ABCA8: variants seen among roughly 807,000 people sequenced by gnomAD.
The protein encoded by ABCA8 is ABC-type organic anion transporter ABCA8.
ABCA8 carries 177 observed loss-of-function variants against 192.3 expected under a neutral mutation model. That is an observed-to-expected ratio of 0.92 (90% confidence interval 0.81 to 1.04). The LOEUF (loss-of-function observed/expected upper bound fraction) is 1.04, where lower values mean the gene tolerates loss of function less well. ABCA8 is among the 50% of genes least tolerant of loss of function. The pLI is 0.00. For missense variants in ABCA8, 1,915 were observed against 1,904.8 expected (o/e 1.01, Z -0.10); for synonymous variants, 642 against 690.2 (o/e 0.93, Z 1.09).
chr17:68,932,256 C>G, intron 7 of ABCA8, 32 bp downstream of exon 7: 2 of 1,515,100 alleles, frequency 1.3e-6, no homozygotes, highest in Non-Finnish European at 1.8e-6. Context: ...CTGAGTTCCT[C>G]CGTTTATTTA....
chr17:68,879,001 T>C (rs1394773152), intron 32 of ABCA8: 5 of 152,160 alleles, frequency 3.3e-5, no homozygotes, highest in African/African-American at 9.7e-5. Context: ...TGTAAAAGAG[T>C]TCTTAAGGTT....
chr17:68,933,127 T>C, intron 6 of ABCA8, 41 bp downstream of exon 6: 1 of 1,347,588 alleles, frequency 7.4e-7, no homozygotes, highest in Non-Finnish European at 1.1e-6. Flanking sequence ...TATCATTAAC[T>C]TGCATTAAAC....
intron 21 of ABCA8, among the ~76,000 whole-genome samples, chr17:68,900,134 A>G (rs1325165492): frequency 6.6e-6 from 1 of 152,102 alleles, no homozygotes; most frequent in African/African-American, 2.4e-5. Flanking sequence ...TAGACAATAG[A>G]AAAACAATAG....
In ABCA8 at chr17:68,933,290, C is replaced by T. The variant is rs763737469; in HGVS notation, c.467-19G>A. ...CAATGAGCTTTGTGAAAAAACAAATCATAACTATCATTACATCACTATCTA... is the reference window on the plus strand; with the variant it reads ...CAATGAGCTTTGTGAAAAAACAAATTATAACTATCATTACATCACTATCTA... On this transcript the variant is annotated intron_variant, in intron 5 of 39. Transcript: ENST00000586539. 1.7e-5 allele frequency: 24 copies of T among 1,429,690 alleles called. No individual in the cohort carries two copies. Among genetic ancestry groups the T allele is most frequent in the Middle Eastern group, 1.8e-4 (1 of 5,698 alleles). The allele number at this position is 1,429,690 out of a possible 1,614,324, so 88.6% of individuals were successfully genotyped here.
At chr17:68,886,800 T>G (rs772513596) in intron 26 of ABCA8, 6 of 285,078 alleles carry the variant, frequency 2.1e-5, no homozygotes, top group African/African-American at 2.2e-5. Flanking sequence ...CGTTTCCTCC[T>G]AATTTAGACA....
In ABCA8 at chr17:68,867,906, A is replaced by T; in HGVS notation, c.*179T>A. The T allele has an allele frequency of 1.8e-6, 1 of 557,544 alleles. No individual in the cohort carries two copies. Among genetic ancestry groups the T allele is most frequent in the Non-Finnish European group, 3.2e-6 (1 of 316,338 alleles). 34.5% of individuals were successfully genotyped at this position (557,544 alleles called of 1,614,324 possible). The stretch of plus-strand genomic sequence containing the variant: ...GCTGTGAGAGGAGGTTGGCTTAGTC[A>T]AATGCCTCTGTCCACACTGACATGG... On this transcript the variant is annotated 3_prime_UTR_variant, in exon 40 of 40. Transcript: ENST00000586539.
chr17:68,890,013 T>C (rs943894433), intron 24 of ABCA8, among the ~76,000 whole-genome samples: 1 of 152,188 alleles, frequency 6.6e-6, no homozygotes, highest in East Asian at 1.9e-4. Flanking sequence ...ATTCAGAACA[T>C]TAATGCTCAA....
At chr17:68,871,307 C>A (rs1175712532) in intron 37 of ABCA8, among the ~76,000 whole-genome samples, 1 of 152,020 alleles carries the variant, frequency 6.6e-6, no homozygotes, top group African/African-American at 2.4e-5. Context: ...TAGATTAATC[C>A]ACTCATGAGG....
At chr17:68,883,932 C>T in intron 28 of ABCA8, 50 bp from the exon 29 acceptor site, 2 of 1,198,978 alleles carry the variant, frequency 1.7e-6, no homozygotes. Flanking sequence ...GATAATTGTT[C>T]AATATCAAAG....
At chr17:68,930,958 A>AGG (rs2067853672) in intron 7 of ABCA8, among the ~76,000 whole-genome samples, 2 of 152,092 alleles carry the variant, frequency 1.3e-5, no homozygotes, top group Non-Finnish European at 2.9e-5. Context: ...CTCACACAGA[A>AGG]CCTTGTCCAT....
chr17:68,880,880 GGCGCCACCAGCTCCAGAGGTTTTGA>G, intron 32 of ABCA8: 1 of 511,522 alleles, frequency 2.0e-6, no homozygotes, highest in Non-Finnish European at 3.5e-6. Context: ...CTTGGGCAAA[GGCGCCACCAGCTCCAGAGGTTTTGA>G]CTGGAAAAGC....
At chr17:68,935,097 T>TC (rs1489745764) in intron 5 of ABCA8, among the ~76,000 whole-genome samples, 1 of 151,014 alleles carries the variant, frequency 6.6e-6, no homozygotes, top group Non-Finnish European at 1.5e-5. Context: ...TTTTTTTTTT[T>TC]TTTTAGAGAT....
At chr17:68,927,418 T>C (rs1450089503) in intron 10 of ABCA8, among the ~76,000 whole-genome samples, 2 of 150,820 alleles carry the variant, frequency 1.3e-5, no homozygotes, top group Non-Finnish European at 3.0e-5. Flanking sequence ...TTATGATATA[T>C]TGGCTTTCCT....
rs781341756 is a variant in ABCA8, at chr17:68,875,249, A to T, written c.4631+11T>A. On this transcript the variant is annotated intron_variant, in intron 37 of 39. Coordinates refer to ENST00000586539, the MANE Select transcript of ABCA8 (RefSeq NM_001288985.2). ...ATTTGGTACCATTTCCAAAACAGCA[A>T]CCATGTTTACCTTTCCTGCCGAGCA... The T allele has an allele frequency of 3.0e-5, 49 of 1,612,918 alleles. No homozygotes were observed. Among genetic ancestry groups the T allele is most frequent in the Non-Finnish European group, 3.9e-5 (46 of 1,179,984 alleles).
At chr17:68,942,175 G>C in intron 2 of ABCA8, 136 bp from the exon 3 acceptor site, 1 of 635,632 alleles carries the variant, frequency 1.6e-6, no homozygotes, top group South Asian at 2.0e-5. Flanking sequence ...GTGTTCCCAA[G>C]TCAGCATTGT....
chr17:68,921,346 A>T (rs2067527112), intron 13 of ABCA8, 36 bp downstream of exon 13: 10 of 1,478,322 alleles, frequency 6.8e-6, no homozygotes, highest in Non-Finnish European at 8.4e-6. Flanking sequence ...AACTTAAAGT[A>T]TAATTTAAAA....
At chr17:68,894,388 A>G in intron 22 of ABCA8, 78 bp from the exon 23 acceptor site, 1 of 1,281,318 alleles carries the variant, frequency 7.8e-7, no homozygotes, top group Admixed American at 2.5e-5. Flanking sequence ...TTGACATGTT[A>G]AATTAAGAGG....
At chr17:68,893,345 A>T (rs16973413) in intron 23 of ABCA8, among the ~76,000 whole-genome samples, 1 of 152,206 alleles carries the variant, frequency 6.6e-6, no homozygotes, top group South Asian at 2.1e-4. Context: ...GGCTATATAC[A>T]TTCCGATCAC....
chr17:68,927,962 A>G lies in ABCA8; in HGVS notation c.1227T>C (p.Thr409=). The part of the protein sequence containing the change: ...VATNFMLAFD[T]CLYLALAIYF... ...AAATCGCCAATGCCAGATAGAGGCA[A>G]GTGTCAAATGCCAACATGAAATTTG... The change falls in exon 10 of 40, where the codon ACT becomes ACC. Residue 409 remains threonine, a synonymous_variant. Transcript: ENST00000586539. 1 of 1,609,062 alleles carries G rather than the reference A, an allele frequency of 6.2e-7. No homozygotes were observed. The highest frequency in any genetic ancestry group is 1.1e-5 in the South Asian group (1 of 89,446).
Sources: allele counts gnomAD v4.1 joint callset (sites outside exome capture counted in the v4.1 genomes callset), GRCh38; gene constraint gnomAD v4.1.1; transcripts MANE v1.5; gene names NCBI Gene and HGNC (gene_info 2026-07-23, HGNC 2026-07-21).